Variants in SVEP1 observed in about 807,000 individuals in gnomAD.
SVEP1 encodes the protein sushi, von Willebrand factor type A, EGF and pentraxin domain containing 1.
SVEP1 carries 164 observed loss-of-function variants against 367.3 expected under a neutral mutation model. The ratio of observed to expected loss-of-function variants is 0.45; its 90% CI spans 0.39 to 0.51. The LOEUF is 0.51. SVEP1 is among the 20% of genes least tolerant of loss of function. SVEP1 has a pLI of 0.00. For missense variants in SVEP1, 4,117 were observed against 4,425.3 expected, an observed-to-expected ratio of 0.93 and a Z score of 1.98; for synonymous variants, 1,666 against 1,611.6, an observed-to-expected ratio of 1.03 and a Z score of -0.81.
rs1360511271 is a variant in SVEP1 at position 110,446,978 on chromosome 9, G to C, written c.4183C>G (p.Gln1395Glu). Reference protein sequence around the residue: ...NECQSNPCRNQATCVDELNSY... With the variant: ...NECQSNPCRNEATCVDELNSY... ...TTTAATTCATCCACACAGGTGGCCT[G>C]ATTTCTACATGGATTAGACTGACAT... Residue 1395 changes from glutamine to glutamate, a missense_variant, in exon 25 of 48, where the codon CAG becomes GAG. This residue lies in a region of SVEP1 where 2,174 missense variants were observed against 2,494.3 expected (regional missense o/e 0.87). Transcript: ENST00000374469. The C allele has an allele frequency of 6.5e-7, 1 of 1,547,066 alleles. No homozygotes were observed. The highest frequency in any genetic ancestry group is 2.0e-5 in the Admixed American group (1 of 50,462).
chr9:110,366,591 A>C, intron 47 of SVEP1, 31 bp from the exon 48 acceptor site: 1 of 1,517,472 alleles, frequency 6.6e-7, no homozygotes, highest in Non-Finnish European at 8.8e-7. Flanking sequence ...AACCAAATAG[A>C]TTCAAAAGAA....
rs776426381 is a variant in SVEP1, at chr9:110,385,886, C to A, written c.10237+12G>T. Reference sequence around the variant, plus strand: ...ACTAGCGGCATGAACTGGCTTCCGCCTGCTGACTTACTTTCACATTTGGCG... The same window carrying A: ...ACTAGCGGCATGAACTGGCTTCCGCATGCTGACTTACTTTCACATTTGGCG... On this transcript the variant is annotated intron_variant, in intron 43 of 47. Coordinates refer to ENST00000374469, the MANE Select transcript of SVEP1 (RefSeq NM_153366.4). The A allele has an allele frequency of 6.2e-7, 1 of 1,610,252 alleles. No individual in the cohort carries two copies. The highest frequency in any genetic ancestry group is 1.1e-5 in the South Asian group (1 of 90,320).
intron 40 of SVEP1, among the ~76,000 whole-genome samples, chr9:110,392,648 G>T (rs1038866499): frequency 6.6e-6 from 1 of 152,060 alleles, no homozygotes; most frequent in Non-Finnish European, 1.5e-5. Context: ...TAGTCAAACA[G>T]GTAGCACTGG....
intron 10 of SVEP1, among the ~76,000 whole-genome samples, chr9:110,483,311 T>C (rs112866046): frequency 9.8e-5 from 15 of 152,304 alleles, no homozygotes; most frequent in African/African-American, 3.4e-4. Flanking sequence ...GCTTGGAGAC[T>C]AAAGAAATTC....
intron 1 of SVEP1, among the ~76,000 whole-genome samples, chr9:110,572,287 C>T (rs1830573445): frequency 6.6e-6 from 1 of 152,104 alleles, no homozygotes; most frequent in Non-Finnish European, 1.5e-5. Flanking sequence ...ACCCTTTGGC[C>T]ACAGCTGTGA....
chr9:110,500,902 T>C (rs983730278), intron 6 of SVEP1, among the ~76,000 whole-genome samples: 3 of 152,000 alleles, frequency 2.0e-5, no homozygotes, highest in Admixed American at 2.0e-4. Flanking sequence ...ACAATATTTT[T>C]CTAGATGAAC....
At chr9:110,515,214 G>A (rs1159318646) in intron 3 of SVEP1, among the ~76,000 whole-genome samples, 1 of 151,786 alleles carries the variant, frequency 6.6e-6, no homozygotes, top group Non-Finnish European at 1.5e-5. Context: ...GCTCAGTTAA[G>A]CCAATTAAAT....
intron 1 of SVEP1, among the ~76,000 whole-genome samples, chr9:110,570,963 A>G (rs1471195327): frequency 7.1e-6 from 1 of 141,122 alleles, no homozygotes; most frequent in Non-Finnish European, 1.5e-5. Context: ...ACTCTTCCAG[A>G]TGGCTCCTTT....
rs183171884 is a variant in SVEP1 at position 110,577,795 on chromosome 9, C to G, written c.531+1218G>C. Among the ~76,000 whole-genome samples the G allele has an allele frequency of 2.7e-3, 416 of 151,862 alleles. 5 individuals carry two copies. The highest frequency in any genetic ancestry group is 9.5e-3 in the African/African-American group (396 of 41,470). ...AAAAAACAAACAAGCACTATAATGG[C>G]AAAATGGGCAAAAACTATAAATATC... On this transcript the variant is annotated intron_variant, in intron 1 of 47. Coordinates refer to ENST00000374469, the MANE Select transcript of SVEP1 (RefSeq NM_153366.4).
At chr9:110,549,805 C>T in intron 2 of SVEP1, 44 bp downstream of exon 2, 1 of 1,603,300 alleles carries the variant, frequency 6.2e-7, no homozygotes, top group Non-Finnish European at 8.5e-7. Context: ...GGCAAGGAAG[C>T]CTCATTTAAA....
chr9:110,458,475 C>T lies in SVEP1; in HGVS notation c.3572G>A (p.Ser1191Asn), dbSNP rs1446330425. The change falls in exon 20 of 48, where the codon AGT becomes AAT. Residue 1191 changes from serine to asparagine, a missense_variant. Physicochemically the swap from Ser to Asn is conservative, Grantham distance 46. Transcript: ENST00000374469. ...GHIKKRHEIS[S>N]QVFHECFFNP... ...GTTTATGCAAAATGAACTTGCCTGACTGCTGATTTCATGCCTCTTTTTAAT... is the reference window on the plus strand; with the variant it reads ...GTTTATGCAAAATGAACTTGCCTGATTGCTGATTTCATGCCTCTTTTTAAT... The T allele has an allele frequency of 1.2e-6, 2 of 1,611,776 alleles. No individual in the cohort carries two copies. The highest frequency in any genetic ancestry group is 1.7e-6 in the Non-Finnish European group (2 of 1,178,998).
intron 36 of SVEP1, among the ~76,000 whole-genome samples, chr9:110,423,197 A>AAAAAAAAAAAAAAAATAAAAAAAT (rs1828199892): frequency 6.7e-6 from 1 of 148,258 alleles, no homozygotes; most frequent in Non-Finnish European, 1.5e-5. Flanking sequence ...AAAAAAAAGA[A>AAAAAAAAAAAAAAAATAAAAAAAT]AAATTGTCAA....
At chr9:110,496,632 G>A (rs1564159313) in intron 8 of SVEP1, among the ~76,000 whole-genome samples, 183 bp downstream of exon 8, 1 of 152,126 alleles carries the variant, frequency 6.6e-6, no homozygotes, top group African/African-American at 2.4e-5. Flanking sequence ...ACCTTGTGAT[G>A]GTGTGAGTCA....
chr9:110,370,307 T>G (rs1003807869), intron 46 of SVEP1, among the ~76,000 whole-genome samples: 6 of 152,148 alleles, frequency 3.9e-5, no homozygotes, highest in Non-Finnish European at 8.8e-5. Context: ...ATTTTCCTCT[T>G]CTCTAATCTC....
At chr9:110,382,747 A>AG (rs1827457023) in intron 43 of SVEP1, among the ~76,000 whole-genome samples, 1 of 152,136 alleles carries the variant, frequency 6.6e-6, no homozygotes, top group South Asian at 2.1e-4. Flanking sequence ...TAGTTCTCAG[A>AG]GGTTTTGTTC....
rs779502981 is a variant in SVEP1 at position 110,489,714 on chromosome 9, G to C, written c.1866C>G (p.Ile622Met). 6.2e-7 allele frequency: 1 copy of C among 1,613,574 alleles called. No individual in the cohort carries two copies. Among genetic ancestry groups the C allele is most frequent in the East Asian group, 2.2e-5 (1 of 44,866 alleles). ...PYLFPIGDVA[I>M]VYTATDLSGN... Reference sequence around the variant, plus strand: ...CGGATAGGTCAGTTGCCGTGTATACGATAGCAACATCTCCAATTGGGAAAA... The same window carrying C: ...CGGATAGGTCAGTTGCCGTGTATACCATAGCAACATCTCCAATTGGGAAAA... The change falls in exon 9 of 48, where the codon ATC (isoleucine) becomes ATG (methionine). Residue 622 changes from isoleucine (I) to methionine (M), a missense_variant. By Grantham distance (10) the Ile-to-Met change is conservative. Around this residue, in one of 4 missense-constraint regions of SVEP1, gnomAD observed 2,174 missense variants for 2,494.3 expected, o/e 0.87. Transcript: ENST00000374469.
intron 10 of SVEP1, among the ~76,000 whole-genome samples, chr9:110,482,750 A>G (rs1275548082): frequency 6.6e-6 from 1 of 151,510 alleles, no homozygotes; most frequent in Admixed American, 6.6e-5. Flanking sequence ...CTGGTCTTGA[A>G]CTCCTGACCT....
chr9:110,411,661 A>T lies in SVEP1; in HGVS notation c.6050T>A (p.Leu2017Gln), dbSNP rs1370791255. 7 of 1,608,022 alleles carry T rather than the reference A, an allele frequency of 4.4e-6. No homozygotes were observed. The highest frequency in any genetic ancestry group is 5.9e-6 in the Non-Finnish European group (7 of 1,177,188). ...GKWSRSDQQC[L>Q]AVSCDEPPIV... is the part of the protein sequence containing the mutation. ...GGGTGGCTCATCACAGGAGACAGCC[A>T]GGCACTGCTGGTCACTTCTACTCCA... The change falls in exon 37 of 48, where the codon CTG (leucine) becomes CAG (glutamine). Residue 2017 changes from leucine (L) to glutamine (Q), a missense_variant. Leu to Gln is a moderately radical substitution (Grantham distance 113, BLOSUM62 -2). This residue lies in a region of SVEP1 where 2,174 missense variants were observed against 2,494.3 expected (regional missense o/e 0.87). Coordinates refer to ENST00000374469, the MANE Select transcript of SVEP1 (RefSeq NM_153366.4).
rs187640181 is a variant in SVEP1, at chr9:110,544,252, T to A, written c.964+1863A>T. On this transcript the variant is annotated intron_variant, in intron 3 of 47. Coordinates refer to ENST00000374469, the MANE Select transcript of SVEP1 (RefSeq NM_153366.4). ...CCATCTACAAAATGCCAGAATAAAA[T>A]AATGTTCACACGAAACAAGCAATGA... is the stretch of plus-strand genomic sequence containing the variant. Among the ~76,000 whole-genome samples the A allele has an allele frequency of 9.9e-5, 15 of 152,266 alleles. No individual in the cohort carries two copies. In the East Asian group the frequency reaches 2.7e-3, roughly 27 times the overall value.
Sources: gnomAD v4.1 joint callset for allele counts (sites outside exome capture counted in the v4.1 genomes callset) on GRCh38, gnomAD v4.1.1 for gene constraint, gnomAD v4.1.1 regional missense constraint, MANE v1.5 for transcripts, NCBI Gene and HGNC (gene_info 2026-07-23, HGNC 2026-07-21) for gene names.